MRPS25: variants seen among roughly 807,000 people sequenced by gnomAD.
MRPS25 encodes the protein mitochondrial ribosomal protein S25.
MRPS25 carries 15 observed loss-of-function variants against 17.3 expected under a neutral mutation model. The observed-to-expected ratio is 0.87, with a 90% CI of 0.58 to 1.34. MRPS25 has a LOEUF of 1.34. MRPS25 is among the 40% of genes most tolerant of loss of function. MRPS25 has a pLI of 0.00. For synonymous variants in MRPS25, 94 were observed against 83.3 expected (o/e 1.13, Z -0.70); for missense variants, 225 against 218.6 (o/e 1.03, Z -0.19).
chr3:15,057,349 T>G (rs1287529849), intron 2 of MRPS25, among the ~76,000 whole-genome samples: 1 of 152,108 alleles, frequency 6.6e-6, no homozygotes, highest in Non-Finnish European at 1.5e-5. Context: ...CTCTCATAAA[T>G]CTCATACTTC....
At chr3:15,059,917 G>A (rs975371594) in intron 1 of MRPS25, among the ~76,000 whole-genome samples, 1 of 151,476 alleles carries the variant, frequency 6.6e-6, no homozygotes, top group African/African-American at 2.4e-5. Context: ...CAATTGAGGA[G>A]TGGAGGAACA....
chr3:15,047,675 G>GTAAT (rs750172036), downstream of MRPS25: 3 of 152,190 alleles, frequency 2.0e-5, no homozygotes, highest in Non-Finnish European at 4.4e-5. Context: ...TGAATAAATA[G>GTAAT]TAATTCCCAT....
chr3:15,053,357 C>A (rs2042630223), intron 3 of MRPS25, 23 bp downstream of exon 3: 2 of 1,614,042 alleles, frequency 1.2e-6, no homozygotes, highest in Non-Finnish European at 1.7e-6. Context: ...TTTGTTCCTT[C>A]CAGGTCAAAC....
chr3:15,059,293 C>T lies in MRPS25; in HGVS notation c.241+76G>A, dbSNP rs566566435. The T allele has an allele frequency of 1.7e-4, 170 of 1,015,402 alleles. No homozygotes were observed. The African/African-American group carries it at 2.4e-3, about 15-fold the overall frequency. 62.9% of individuals were successfully genotyped at this position (1,015,402 alleles called of 1,614,324 possible). A position where few individuals can be genotyped will look rare whatever the true frequency, so the allele number is the denominator to read the frequency against. ...CAGCGCACACTGCAGCTCATCCTGA[C>T]GCTCCCATAGGAAGGACGCAGTCTC... On this transcript the variant is annotated intron_variant, in intron 2 of 3. Coordinates refer to ENST00000253686, the MANE Select transcript of MRPS25 (RefSeq NM_022497.5).
downstream of MRPS25, chr3:15,043,372 AT>A (rs1344790105): frequency 6.4e-5 from 10 of 156,964 alleles, no homozygotes; most frequent in East Asian, 1.5e-3. Context: ...ATATATATAT[AT>A]AAAAAAGTCC....
At chr3:15,064,228 CAG>C (rs1418016620) in intron 1 of MRPS25, among the ~76,000 whole-genome samples, 5 of 152,154 alleles carry the variant, frequency 3.3e-5, no homozygotes, top group African/African-American at 1.2e-4. Context: ...GCCTAGCACT[CAG>C]AGTGTACTCA....
At chr3:15,059,293 C>A (rs566566435) in intron 2 of MRPS25, 76 bp downstream of exon 2, 2 of 1,015,404 alleles carry the variant, frequency 2.0e-6, no homozygotes, top group Admixed American at 1.9e-5. Flanking sequence ...CTCATCCTGA[C>A]GCTCCCATAG....
chr3:15,051,071 C>CT lies in MRPS25; in HGVS notation c.*1369dup. The CT allele has an allele frequency of 2.0e-6, 2 of 984,882 alleles. No homozygotes were observed. The highest frequency in any genetic ancestry group is 1.7e-5 in the African/African-American group (1 of 57,334). 61.0% of individuals were successfully genotyped at this position (984,882 alleles called of 1,614,324 possible). On this transcript the variant is annotated 3_prime_UTR_variant, in exon 4 of 4. Transcript: ENST00000253686. ...TCCTGCTCTGTCAAGCACCACTGTC[C>CT]TTTTTTAATTCTTTTAACCACTGCC...
chr3:15,052,379 A>C lies in MRPS25; in HGVS notation c.*62T>G. On this transcript the variant is annotated 3_prime_UTR_variant, in exon 4 of 4. Transcript: ENST00000253686. The stretch of plus-strand genomic sequence containing the variant: ...CCAGGGGCTTCCCTGGGCCAAAGTA[A>C]TCCCATTCCAATCTCCCCACTGGTC... 3.9e-6 allele frequency: 6 copies of C among 1,557,328 alleles called. No homozygotes were observed. The highest frequency in any genetic ancestry group is 5.2e-6 in the Non-Finnish European group (6 of 1,149,800).
chr3:15,051,564 G>GTGAC lies in MRPS25; in HGVS notation c.*873_*876dup. On this transcript the variant is annotated 3_prime_UTR_variant, in exon 4 of 4. Transcript: ENST00000253686. Reference sequence around the variant, plus strand: ...AAACCTCCACTTTAGCATAACTAAAGTGACAGTAACATCAGTGTCCTATGA... The same window carrying GTGAC: ...AAACCTCCACTTTAGCATAACTAAAGTGACTGACAGTAACATCAGTGTCCTATGA... 1.0e-6 allele frequency: 1 copy of GTGAC among 985,422 alleles called. No homozygotes were observed. The highest frequency in any genetic ancestry group is 1.2e-6 in the Non-Finnish European group (1 of 829,932). 61.0% of individuals were successfully genotyped at this position (985,422 alleles called of 1,614,324 possible).
intron 2 of MRPS25, 45 bp downstream of exon 2, chr3:15,059,324 G>GC (rs775371650): frequency 7.6e-7 from 1 of 1,309,948 alleles, no homozygotes. Flanking sequence ...GTCTCTCCAG[G>GC]CATGTCTGGG....
At position 15,048,699 on chromosome 3, in the gene MRPS25, A is replaced by G. The variant is rs940216604; in HGVS notation, c.*3742T>C. On this transcript the variant is annotated 3_prime_UTR_variant, in exon 4 of 4. Coordinates refer to ENST00000253686, the MANE Select transcript of MRPS25 (RefSeq NM_022497.5). ...TGCCACACACAACTCAAGTGCTGGA[A>G]TATTTTTCTACAGTCTCTCTGTTCT... is the stretch of plus-strand genomic sequence containing the variant. 2 of 152,660 alleles carry G rather than the reference A, an allele frequency of 1.3e-5. No homozygotes were observed. The highest frequency in any genetic ancestry group is 2.9e-5 in the Non-Finnish European group (2 of 68,048). The allele number at this position is 152,660 out of a possible 1,614,324, so 9.5% of individuals were successfully genotyped here. A position where few individuals can be genotyped will look rare whatever the true frequency, so the allele number is the denominator to read the frequency against.
At chr3:15,053,282 G>C (rs1176208024) in intron 3 of MRPS25, 98 bp downstream of exon 3, 5 of 1,571,134 alleles carry the variant, frequency 3.2e-6, no homozygotes, top group African/African-American at 2.7e-5. Context: ...CACTGTCAGA[G>C]AATCTTACCT....
At position 15,052,317 on chromosome 3, in the gene MRPS25, T is replaced by C; in HGVS notation, c.*124A>G. ...TTTACACAGGTGTGTAAAGTCCTTT[T>C]AATGCAAAAGGATTTCCAGAGTCTC... is the stretch of plus-strand genomic sequence containing the variant. On this transcript the variant is annotated 3_prime_UTR_variant, in exon 4 of 4. Coordinates refer to ENST00000253686, the MANE Select transcript of MRPS25 (RefSeq NM_022497.5). 5.4e-6 allele frequency: 8 copies of C among 1,482,686 alleles called. No individual in the cohort carries two copies. Among genetic ancestry groups the C allele is most frequent in the Non-Finnish European group, 7.1e-6 (8 of 1,118,928 alleles). 91.8% of individuals were successfully genotyped at this position (1,482,686 alleles called of 1,614,324 possible). A position where few individuals can be genotyped will look rare whatever the true frequency, so the allele number is the denominator to read the frequency against.
At chr3:15,054,943 A>G (rs768488834) in intron 2 of MRPS25, among the ~76,000 whole-genome samples, 4 of 152,226 alleles carry the variant, frequency 2.6e-5, no homozygotes, top group Non-Finnish European at 5.9e-5. Context: ...ATTTATAGAG[A>G]AAAGAGGCTT....
Position 15,065,041 on chromosome 3 carries a change from C to T in MRPS25, c.134+20G>A, listed in dbSNP as rs768193287. On this transcript the variant is annotated intron_variant, in intron 1 of 3. Transcript: ENST00000253686. ...GACTAGCAGGTTACGGCTCGCCAGG[C>T]GGCCGGGGCTGCGACTGACCTGGCG... is the stretch of plus-strand genomic sequence containing the variant. 2 of 1,555,148 alleles carry T rather than the reference C, an allele frequency of 1.3e-6. No homozygotes were observed. The highest frequency in any genetic ancestry group is 2.4e-5 in the East Asian group (1 of 41,718).
downstream of MRPS25, chr3:15,047,695 G>A (rs1282948255): frequency 2.0e-5 from 3 of 152,128 alleles, no homozygotes; most frequent in African/African-American, 2.4e-5. Context: ...TCTTTCTATC[G>A]CCAGTTAAAA....
intron 2 of MRPS25, among the ~76,000 whole-genome samples, chr3:15,055,922 A>G (rs1559327949): frequency 6.6e-6 from 1 of 151,632 alleles, no homozygotes; most frequent in Non-Finnish European, 1.5e-5. Context: ...TTTTTAATGG[A>G]AAAGCTTCAG....
In MRPS25 at chr3:15,051,102, G is replaced by A. The variant is rs191819202; in HGVS notation, c.*1339C>T. ...TAATTCTTTTAACCACTGCCTTCCT[G>A]TCTCAGATAAAGTCAGGTCTCCTTG... On this transcript the variant is annotated 3_prime_UTR_variant, in exon 4 of 4. Transcript: ENST00000253686. The A allele has an allele frequency of 4.1e-4, 408 of 985,356 alleles. 1 individual carries two copies. In the African/African-American group the frequency reaches 6.8e-3, roughly 16 times the overall value. The allele number at this position is 985,356 out of a possible 1,614,324, so 61.0% of individuals were successfully genotyped here. A position where few individuals can be genotyped will look rare whatever the true frequency, so the allele number is the denominator to read the frequency against.
Sources: gnomAD v4.1 joint callset for allele counts (sites outside exome capture counted in the v4.1 genomes callset) on GRCh38, gnomAD v4.1.1 for gene constraint, MANE v1.5 for transcripts, NCBI Gene and HGNC (gene_info 2026-07-23, HGNC 2026-07-21) for gene names.